Variants in ALG14 observed in about 807,000 individuals in gnomAD.
The protein encoded by ALG14 is UDP-N-acetylglucosamine transferase subunit ALG14.
In ALG14, 17 loss-of-function variants were observed where a neutral mutation model predicts 22.8. The ratio of observed to expected loss-of-function variants is 0.75; its 90% CI spans 0.51 to 1.12. The LOEUF (loss-of-function observed/expected upper bound fraction) is 1.12. Ranked by LOEUF, ALG14 falls within the 50% of genes most tolerant of loss-of-function variation. ALG14 has a pLI of 0.00. For synonymous variants in ALG14, 89 were observed against 103.7 expected (o/e 0.86, Z 0.86); for missense variants, 288 against 271.8 (o/e 1.06, Z -0.42).
At chr1:95,038,929 C>T (rs12028907) in intron 2 of ALG14, among the ~76,000 whole-genome samples, 3,175 of 152,110 alleles carry the variant, frequency 0.021, 156 homozygotes, top group East Asian at 0.18. Context: ...CCTATGTTGC[C>T]CAGGCTGGTC....
At position 94,983,265 on chromosome 1, in the gene ALG14, T is replaced by C; in HGVS notation, c.462A>G (p.Val154=). ...NGPGTCVPIC[V]SALLLGILGI... ...CTAGTATCCCAAGGAGAAGGGCAGA[T>C]ACACAGATAGGAACACATGTTCCTG... Residue 154 remains valine, a synonymous_variant, in exon 4 of 4, where the codon GTA becomes GTG. Coordinates refer to ENST00000370205, the MANE Select transcript of ALG14 (RefSeq NM_144988.4). 2 of 1,614,144 alleles carry C rather than the reference T, an allele frequency of 1.2e-6. No individual in the cohort carries two copies. Among genetic ancestry groups the C allele is most frequent in the South Asian group, 1.1e-5 (1 of 91,082 alleles).
rs777275371 is a variant in ALG14, at chr1:94,981,342, C to A, written c.*1734G>T. 2 of 152,042 alleles carry A rather than the reference C, an allele frequency of 1.3e-5. No homozygotes were observed. The highest frequency in any genetic ancestry group is 4.8e-5 in the African/African-American group (2 of 41,380). 9.4% of individuals were successfully genotyped at this position (152,042 alleles called of 1,614,324 possible). On this transcript the variant is annotated 3_prime_UTR_variant, in exon 4 of 4. Coordinates refer to ENST00000370205, the MANE Select transcript of ALG14 (RefSeq NM_144988.4). Reference sequence around the variant, plus strand: ...AAATCCAGACAGCAAAGTGTTCTCACCATTCTGAGACACCTTCGGCTACAC... The same window carrying A: ...AAATCCAGACAGCAAAGTGTTCTCAACATTCTGAGACACCTTCGGCTACAC...
chr1:94,997,342 T>C (rs1672934788), intron 3 of ALG14, among the ~76,000 whole-genome samples: 1 of 152,186 alleles, frequency 6.6e-6, no homozygotes. Flanking sequence ...AATCCAGCAG[T>C]TGATCTGGGA....
intron 3 of ALG14, among the ~76,000 whole-genome samples, chr1:95,016,402 T>C (rs183696470): frequency 6.6e-6 from 1 of 152,232 alleles, no homozygotes; most frequent in Admixed American, 6.5e-5. Context: ...TCTGTGTAAG[T>C]TTGTAATTCT....
At chr1:95,041,402 A>ATTG (rs1674374223) in intron 2 of ALG14, 1 of 152,078 alleles carries the variant, frequency 6.6e-6, no homozygotes, top group South Asian at 2.1e-4. Flanking sequence ...TGGGAGGCCA[A>ATTG]GGCAGAAGGA....
At position 94,981,827 on chromosome 1, in the gene ALG14, C is replaced by G. The variant is rs1435214062; in HGVS notation, c.*1249G>C. On this transcript the variant is annotated 3_prime_UTR_variant, in exon 4 of 4. Transcript: ENST00000370205. ...AGTAGACATGGCACCACTAGAAACA[C>G]AGTCTCAAGCAGGACCAGCGAAAGA... 1 of 151,814 alleles carries G rather than the reference C, an allele frequency of 6.6e-6. No individual in the cohort carries two copies. Among genetic ancestry groups the G allele is most frequent in the Non-Finnish European group, 1.5e-5 (1 of 67,970 alleles). The allele number at this position is 151,814 out of a possible 1,614,324, so 9.4% of individuals were successfully genotyped here. A position where few individuals can be genotyped will look rare whatever the true frequency, so the allele number is the denominator to read the frequency against.
chr1:95,056,767 T>G (rs1029819227), intron 2 of ALG14, among the ~76,000 whole-genome samples: 4 of 150,874 alleles, frequency 2.7e-5, no homozygotes, highest in Non-Finnish European at 5.9e-5. Flanking sequence ...CATTAAAATC[T>G]AAAACTTCTG....
intron 3 of ALG14, among the ~76,000 whole-genome samples, chr1:94,997,629 T>G (rs1326953464): frequency 2.0e-5 from 3 of 152,172 alleles, no homozygotes; most frequent in African/African-American, 7.2e-5. Flanking sequence ...TCATTTCACC[T>G]CTCTGTACTT....
At chr1:95,043,815 A>G (rs986283275) in intron 2 of ALG14, among the ~76,000 whole-genome samples, 2 of 151,198 alleles carry the variant, frequency 1.3e-5, no homozygotes, top group African/African-American at 4.9e-5. Flanking sequence ...GGTTGAAGAG[A>G]GAGGAGAGGA....
intron 3 of ALG14, among the ~76,000 whole-genome samples, chr1:95,015,578 T>C (rs777264317): frequency 3.3e-5 from 5 of 152,188 alleles, no homozygotes; most frequent in African/African-American, 4.8e-5. Context: ...GAACTAAGGT[T>C]GTTTGTAAAT....
At chr1:94,985,965 T>C (rs958009874) in intron 3 of ALG14, among the ~76,000 whole-genome samples, 1 of 151,970 alleles carries the variant, frequency 6.6e-6, no homozygotes, top group Non-Finnish European at 1.5e-5. Flanking sequence ...ACAAAGGTTT[T>C]ACCTCTTTTT....
At chr1:95,072,417 G>T (rs934328899) in intron 1 of ALG14, among the ~76,000 whole-genome samples, 3 of 152,062 alleles carry the variant, frequency 2.0e-5, no homozygotes, top group Admixed American at 6.5e-5. Context: ...AACTAAATAC[G>T]CAATACCTAG....
At chr1:94,996,657 C>T (rs1672916188) in intron 3 of ALG14, among the ~76,000 whole-genome samples, 2 of 152,136 alleles carry the variant, frequency 1.3e-5, no homozygotes, top group African/African-American at 2.4e-5. Context: ...AAGTTAGTTC[C>T]CTAATAATCT....
intron 2 of ALG14, among the ~76,000 whole-genome samples, chr1:95,061,020 T>C (rs1675128479): frequency 6.6e-6 from 1 of 152,130 alleles, no homozygotes. Flanking sequence ...CATATGATGG[T>C]GGAAGCCGAG....
rs1416944161 is a variant in ALG14 at position 94,980,260 on chromosome 1, C to T, written c.*2816G>A. ...ATTGTCACCACTCCTCTTGTTGACA[C>T]GGTTTCATAGCACTCTTCGTTCCAG... On this transcript the variant is annotated 3_prime_UTR_variant, in exon 4 of 4. Transcript: ENST00000370205. 2.0e-5 allele frequency: 3 copies of T among 152,140 alleles called. No homozygotes were observed. Among genetic ancestry groups the T allele is most frequent in the Non-Finnish European group, 2.9e-5 (2 of 68,024 alleles). The allele number at this position is 152,140 out of a possible 1,614,324, so 9.4% of individuals were successfully genotyped here. A position where few individuals can be genotyped will look rare whatever the true frequency, so the allele number is the denominator to read the frequency against.
At chr1:95,060,426 C>T (rs1675104794) in intron 2 of ALG14, among the ~76,000 whole-genome samples, 1 of 152,036 alleles carries the variant, frequency 6.6e-6, no homozygotes, top group South Asian at 2.1e-4. Context: ...CTATAAAAAT[C>T]CAAAATCTGG....
intron 3 of ALG14, among the ~76,000 whole-genome samples, chr1:95,012,369 G>T (rs959961183): frequency 6.6e-6 from 1 of 152,146 alleles, no homozygotes; most frequent in African/African-American, 2.4e-5. Flanking sequence ...AAATCTCTAG[G>T]TTGGGGAAAT....
At chr1:95,043,299 G>T (rs1002794280) in intron 2 of ALG14, among the ~76,000 whole-genome samples, 1 of 152,114 alleles carries the variant, frequency 6.6e-6, no homozygotes, top group South Asian at 2.1e-4. Context: ...CCATACACAC[G>T]TTATAAGGTC....
intron 2 of ALG14, among the ~76,000 whole-genome samples, chr1:95,031,096 C>T (rs1673987417): frequency 6.6e-6 from 1 of 152,200 alleles, no homozygotes; most frequent in Non-Finnish European, 1.5e-5. Context: ...CCAATGACCA[C>T]ATGCCTACAG....
Sources: allele counts gnomAD v4.1 joint callset (sites outside exome capture counted in the v4.1 genomes callset), GRCh38; gene constraint gnomAD v4.1.1; transcripts MANE v1.5; gene names NCBI Gene and HGNC (gene_info 2026-07-23, HGNC 2026-07-21).